The following RNF38 variants were observed in gnomAD, a reference collection of about 807,000 sequenced individuals.
RNF38 encodes ring finger protein 38, also known as E3 ubiquitin-protein ligase RNF38.
RNF38 carries 15 observed loss-of-function variants against 67.2 expected under a neutral mutation model. The observed-to-expected ratio is 0.22, with a 90% CI of 0.15 to 0.34. The LOEUF (loss-of-function observed/expected upper bound fraction) is 0.34. RNF38 is among the 10% of genes least tolerant of loss of function. The pLI, the probability that RNF38 is intolerant of heterozygous loss-of-function variation, is 1.00. For synonymous variants in RNF38, 220 were observed against 218.8 expected, an observed-to-expected ratio of 1.01 and a Z score of -0.05; for missense variants, 524 against 639.9, an observed-to-expected ratio of 0.82 and a Z score of 1.95.
intron 2 of RNF38, among the ~76,000 whole-genome samples, chr9:36,385,348 T>C (rs935898022): frequency 6.6e-6 from 1 of 150,812 alleles, no homozygotes; most frequent in Non-Finnish European, 1.5e-5. Flanking sequence ...AGTCACTGTT[T>C]GGTGGTCTGC....
intron 9 of RNF38, among the ~76,000 whole-genome samples, chr9:36,347,276 ATGT>A (rs1429902420): frequency 3.3e-5 from 5 of 152,084 alleles, no homozygotes; most frequent in Non-Finnish European, 7.4e-5. Flanking sequence ...GTGACAGAAT[ATGT>A]TAAGTTCTTA....
chr9:36,384,040 T>G (rs1836409532), intron 2 of RNF38, among the ~76,000 whole-genome samples: 2 of 152,198 alleles, frequency 1.3e-5, no homozygotes, highest in Non-Finnish European at 2.9e-5. Context: ...AGTAACAGAC[T>G]AGTGATGTTA....
upstream of RNF38, chr9:36,487,592 A>C: frequency 1.0e-6 from 1 of 978,610 alleles, no homozygotes; most frequent in Non-Finnish European, 1.2e-6. Context: ...TCCGGCTGCG[A>C]CTCGACTCCG....
At chr9:36,461,609 G>A (rs542882280) in intron 1 of RNF38, among the ~76,000 whole-genome samples, 1 of 152,302 alleles carries the variant, frequency 6.6e-6, no homozygotes, top group African/African-American at 2.4e-5. Context: ...GTGAAGACCA[G>A]CTGAAAGGCT....
intron 2 of RNF38, among the ~76,000 whole-genome samples, chr9:36,415,389 T>A (rs2483657): frequency 6.6e-6 from 1 of 152,044 alleles, no homozygotes; most frequent in South Asian, 2.1e-4. Context: ...TTTATTGATT[T>A]TATTTCTCTG....
At chr9:36,392,973 T>C (rs1837224462) in intron 1 of RNF38, among the ~76,000 whole-genome samples, 1 of 152,210 alleles carries the variant, frequency 6.6e-6, no homozygotes, top group Non-Finnish European at 1.5e-5. Context: ...GTATTTCACA[T>C]TCCTGACTCA....
At chr9:36,425,448 C>T (rs1434965066) in intron 1 of RNF38, among the ~76,000 whole-genome samples, 1 of 152,170 alleles carries the variant, frequency 6.6e-6, no homozygotes, top group Non-Finnish European at 1.5e-5. Flanking sequence ...AATCCCAGCA[C>T]TTTGGGAGGC....
At chr9:36,452,399 T>TTCTA (rs147667209) in intron 1 of RNF38, among the ~76,000 whole-genome samples, 7,731 of 152,184 alleles carry the variant, frequency 0.051, 590 homozygotes, top group African/African-American at 0.17. Flanking sequence ...TTAATTTACT[T>TTCTA]TCCCAATGAA....
intron 1 of RNF38, among the ~76,000 whole-genome samples, chr9:36,452,270 C>T (rs549998510): frequency 1.1e-4 from 17 of 152,210 alleles, no homozygotes; most frequent in Middle Eastern, 3.4e-3. Flanking sequence ...AGTATATTCA[C>T]TGGGTTGTTC....
chr9:36,375,471 C>A (rs146877807), intron 3 of RNF38, among the ~76,000 whole-genome samples: 6 of 152,158 alleles, frequency 3.9e-5, no homozygotes, highest in African/African-American at 1.4e-4. Flanking sequence ...CGATTATAGG[C>A]ATGAGCTACT....
intron 6 of RNF38, among the ~76,000 whole-genome samples, chr9:36,355,151 A>G (rs890033912): frequency 6.6e-6 from 1 of 152,246 alleles, no homozygotes; most frequent in Non-Finnish European, 1.5e-5. Flanking sequence ...TTGCTTCTAC[A>G]GTTTTCAGGA....
At chr9:36,467,603 C>T (rs1231590918) in intron 1 of RNF38, among the ~76,000 whole-genome samples, 2 of 152,118 alleles carry the variant, frequency 1.3e-5, no homozygotes, top group Non-Finnish European at 2.9e-5. Flanking sequence ...TGGGATATAA[C>T]ATCACTACCA....
At position 36,428,352 on chromosome 9, in the gene RNF38, G is replaced by C. The variant is rs150958256; in HGVS notation, n.242-3669C>G. Among the ~76,000 whole-genome samples, 1,028 of 151,550 alleles carry C rather than the reference G, an allele frequency of 6.8e-3. 13 individuals are homozygous for C. Among genetic ancestry groups the C allele is most frequent in the African/African-American group, 0.023 (962 of 41,260 alleles). On this transcript the variant is annotated intron_variant and non_coding_transcript_variant, in intron 1 of 3. Coordinates refer to the RNF38 transcript ENST00000488058. ...TACTTGAACCCGGGAGGTGGAGGTT[G>C]CAGTGGGATGAGATCACGCCACTGC...
chr9:36,352,918 T>C (rs1689764362), intron 7 of RNF38, 70 bp from the exon 8 acceptor site: 10 of 1,128,020 alleles, frequency 8.9e-6, no homozygotes, highest in Non-Finnish European at 1.2e-5. Flanking sequence ...ATAAAGTATC[T>C]AATTAAAAAA....
intron 1 of RNF38, among the ~76,000 whole-genome samples, chr9:36,485,300 T>A (rs962561791): frequency 5.0e-5 from 7 of 141,126 alleles, no homozygotes; most frequent in African/African-American, 2.2e-4. Flanking sequence ...AAGGATCTCT[T>A]AGGGTATATA....
Position 36,393,477 on chromosome 9 carries a change from T to TTGTGTGTGTGTGTGTGTGTG in RNF38, c.13-2881_13-2862dup, listed in dbSNP as rs58913703. Reference sequence around the variant, plus strand: ...GGTAAAATAAAATCACACACACACATTGTGTGTGTGTGTGTGTGTGTGTGT... The same window carrying TTGTGTGTGTGTGTGTGTGTG: ...GGTAAAATAAAATCACACACACACATTGTGTGTGTGTGTGTGTGTGTGTGTGTGTGTGTGTGTGTGTGTGT... On this transcript the variant is annotated intron_variant, in intron 1 of 11. Coordinates refer to ENST00000259605, the MANE Select transcript of RNF38 (RefSeq NM_022781.5). Among the ~76,000 whole-genome samples, 71 of 87,776 alleles carry TTGTGTGTGTGTGTGTGTGTG rather than the reference T, an allele frequency of 8.1e-4. 1 individual carries two copies. Among genetic ancestry groups the TTGTGTGTGTGTGTGTGTGTG allele is most frequent in the Non-Finnish European group, 1.6e-3 (62 of 39,636 alleles). The allele number at this position is 87,776 out of a possible 152,430, so 57.6% of individuals were successfully genotyped here.
chr9:36,421,873 T>G, intron 2 of RNF38, among the ~76,000 whole-genome samples: 1 of 152,014 alleles, frequency 6.6e-6, no homozygotes, highest in Non-Finnish European at 1.5e-5. Context: ...TATGTAGCGA[T>G]CTGATTTTTA....
chr9:36,448,730 C>T lies in RNF38; in HGVS notation n.242-24047G>A, dbSNP rs184996265. On this transcript the variant is annotated intron_variant and non_coding_transcript_variant, in intron 1 of 3. Coordinates refer to the RNF38 transcript ENST00000488058. ...TTGAAACAGACCCAAATGGGCCGGG[C>T]GCGGTGGCTCAGCCTGTAATCTCAG... Among the ~76,000 whole-genome samples, 46 of 152,234 alleles carry T rather than the reference C, an allele frequency of 3.0e-4. 1 individual carries two copies. The East Asian group carries it at 7.0e-3, about 23-fold the overall frequency.
At chr9:36,407,485 G>C (rs1244147323) in intron 2 of RNF38, among the ~76,000 whole-genome samples, 1 of 152,172 alleles carries the variant, frequency 6.6e-6, no homozygotes, top group African/African-American at 2.4e-5. Context: ...TAAGTGCCTA[G>C]GACAGCCAAG....
Sources: gnomAD v4.1 joint callset for allele counts (sites outside exome capture counted in the v4.1 genomes callset) on GRCh38, gnomAD v4.1.1 for gene constraint, MANE v1.5 for transcripts, NCBI Gene and HGNC (gene_info 2026-07-23, HGNC 2026-07-21) for gene names.